The following C1orf167 variants were observed in gnomAD, a reference collection of about 807,000 sequenced individuals.
C1orf167 encodes chromosome 1 open reading frame 167, also known as uncharacterized protein C1orf167.
Under a neutral mutation model 176.5 loss-of-function variants are expected in C1orf167, and 153 were observed. The ratio of observed to expected loss-of-function variants is 0.87; its 90% CI spans 0.76 to 0.99. C1orf167 has a LOEUF of 0.99. Ranked by LOEUF, C1orf167 falls within the 50% of genes least tolerant of loss-of-function variation. The pLI is 0.00. For synonymous variants in C1orf167, 594 were observed against 752.7 expected (o/e 0.79, Z 3.45); for missense variants, 1,490 against 1,817.7 (o/e 0.82, Z 3.28).
intron 20 of C1orf167, 41 bp from the exon 21 acceptor site, chr1:11,789,229 A>G: frequency 7.7e-7 from 1 of 1,298,296 alleles, no homozygotes; most frequent in Non-Finnish European, 1.0e-6. Flanking sequence ...ACCCCGGAGA[A>G]AGCCCACAAC....
chr1:11,764,322 T>A lies in C1orf167; in HGVS notation c.-70-9T>A. On this transcript the variant is annotated splice_polypyrimidine_tract_variant and intron_variant, in intron 1 of 20. Transcript: ENST00000688073. ...ATGAGAGCCAGGGCAACCTGTCCTC[T>A]CCCCGCAGGGCCCATCTGATTAAAC... 8.7e-7 allele frequency: 1 copy of A among 1,149,960 alleles called. No individual in the cohort carries two copies. Among genetic ancestry groups the A allele is most frequent in the Non-Finnish European group, 1.2e-6 (1 of 862,064 alleles). 71.2% of individuals were successfully genotyped at this position (1,149,960 alleles called of 1,614,324 possible).
chr1:11,775,007 A>G (rs1212256819), intron 8 of C1orf167, among the ~76,000 whole-genome samples: 2 of 152,196 alleles, frequency 1.3e-5, no homozygotes, highest in Non-Finnish European at 2.9e-5. Flanking sequence ...AGGCTTGGCC[A>G]GACGCGGTGG....
In C1orf167 at chr1:11,782,371, C is replaced by T. The variant is rs533918617; in HGVS notation, c.3005+38C>T. ...GGGGGTGGGAGGGTGTTGGTCCTCC[C>T]CACGCAAGGAATAGCAAGGAGAGCA... is the stretch of plus-strand genomic sequence containing the variant. On this transcript the variant is annotated intron_variant, in intron 14 of 20. Coordinates refer to ENST00000688073, the MANE Select transcript of C1orf167 (RefSeq NM_001010881.2). The T allele has an allele frequency of 6.4e-5, 77 of 1,200,048 alleles. 1 individual carries two copies. Among genetic ancestry groups the T allele is most frequent in the African/African-American group, 4.8e-4 (30 of 62,464 alleles). The allele number at this position is 1,200,048 out of a possible 1,614,324, so 74.3% of individuals were successfully genotyped here.
rs1334756801 is a variant in C1orf167 at position 11,772,215 on chromosome 1, G to A, written c.1944G>A (p.Trp648Ter). The A allele has an allele frequency of 2.3e-6, 3 of 1,304,068 alleles. No homozygotes were observed. The East Asian group carries it at 1.7e-4, about 72-fold the overall frequency. 80.8% of individuals were successfully genotyped at this position (1,304,068 alleles called of 1,614,324 possible). The change falls in exon 8 of 21, where the codon TGG becomes TGA. Residue 648 changes from tryptophan (W) to a stop codon, truncating the protein, a stop_gained. Transcript: ENST00000688073. LOFTEE classifies it high-confidence loss of function. ...ACTCTACTGCTGCAGGTGTAGCCTG[G>A]GTGGCCCCACTGAGCCCCCAGCACC... ...AWHSTAAGVA[W>*]VAPLSPQHQR...
intron 1 of C1orf167, among the ~76,000 whole-genome samples, 154 bp from the exon 2 acceptor site, chr1:11,764,177 G>A (rs945688888): frequency 6.6e-6 from 1 of 152,160 alleles, no homozygotes; most frequent in Non-Finnish European, 1.5e-5. Flanking sequence ...AGGGCAGGGA[G>A]AGGAGCCACT....
chr1:11,765,450 A>G (rs993166641), intron 2 of C1orf167, among the ~76,000 whole-genome samples: 2 of 152,078 alleles, frequency 1.3e-5, no homozygotes, highest in Non-Finnish European at 2.9e-5. Context: ...CTCTTTGCTC[A>G]AGCCAGAAAT....
At chr1:11,785,417 A>C in intron 16 of C1orf167, 128 bp downstream of exon 16, 4 of 1,024,586 alleles carry the variant, frequency 3.9e-6, no homozygotes, top group South Asian at 1.8e-5. Flanking sequence ...GAGGTCCAAA[A>C]ATGACCCTCG....
intron 8 of C1orf167, among the ~76,000 whole-genome samples, chr1:11,772,967 C>T (rs981183453): frequency 5.5e-5 from 8 of 144,846 alleles, no homozygotes; most frequent in African/African-American, 1.5e-4. Context: ...GGCACGATCT[C>T]GGCTCACTGC....
rs780099513 is a variant in C1orf167 at position 11,776,495 on chromosome 1, A to G, written c.2196A>G (p.Gly732=). The G allele has an allele frequency of 1.1e-5, 14 of 1,301,670 alleles. No individual in the cohort carries two copies. Among genetic ancestry groups the G allele is most frequent in the Non-Finnish European group, 1.4e-5 (14 of 987,908 alleles). The allele number at this position is 1,301,670 out of a possible 1,614,324, so 80.6% of individuals were successfully genotyped here. A position where few individuals can be genotyped will look rare whatever the true frequency, so the allele number is the denominator to read the frequency against. ...AGGCTGTCTACACCGCAGGCCCTGG[A>G]GCCTGTGGCCTGGGTGCAGTGGGCC... ...GREAVYTAGP[G]ACGLGAVGQA... Residue 732 remains glycine (G), a synonymous_variant, in exon 10 of 21, where the codon GGA becomes GGG. Coordinates refer to ENST00000688073, the MANE Select transcript of C1orf167 (RefSeq NM_001010881.2).
Position 11,775,504 on chromosome 1 carries a change from G to A in C1orf167, c.2058G>A (p.Arg686=), listed in dbSNP as rs752568326. 15 of 1,304,142 alleles carry A rather than the reference G, an allele frequency of 1.2e-5. No individual in the cohort carries two copies. The African/African-American group carries it at 2.3e-4, about 20-fold the overall frequency. 80.8% of individuals were successfully genotyped at this position (1,304,142 alleles called of 1,614,324 possible). A position where few individuals can be genotyped will look rare whatever the true frequency, so the allele number is the denominator to read the frequency against. ...SRYRDHLADR[R]TGTLRKCLEQ... is the part of the protein sequence containing the mutation. ...ACCGAGACCACCTGGCTGACCGCCG[G>A]ACGGGGACCCTGAGGAAATGCCTGG... The change falls in exon 9 of 21, where the codon CGG becomes CGA. Residue 686 remains arginine, a synonymous_variant. Transcript: ENST00000688073.
At position 11,765,944 on chromosome 1, in the gene C1orf167, G is replaced by T. The variant is rs1036675416; in HGVS notation, c.158G>T (p.Gly53Val). 4 of 1,262,416 alleles carry T rather than the reference G, an allele frequency of 3.2e-6. No individual in the cohort carries two copies. The highest frequency in any genetic ancestry group is 3.1e-5 in the African/African-American group (2 of 65,218). 78.2% of individuals were successfully genotyped at this position (1,262,416 alleles called of 1,614,324 possible). Residue 53 changes from glycine (G) to valine (V), a missense_variant, in exon 3 of 21, where the codon GGG (glycine) becomes GTG (valine). Physicochemically the swap from Gly to Val is moderately radical, Grantham distance 109 (BLOSUM62 -3). Coordinates refer to ENST00000688073, the MANE Select transcript of C1orf167 (RefSeq NM_001010881.2). Reference sequence around the variant, plus strand: ...CCCGGGTGCCAGGTGGAGAGGGGAGGGCCTGCTGCCACACCCTCCCCAGGG... The same window carrying T: ...CCCGGGTGCCAGGTGGAGAGGGGAGTGCCTGCTGCCACACCCTCCCCAGGG... ...WVPGCQVERG[G>V]PAATPSPGAV...
intron 17 of C1orf167, 30 bp from the exon 18 acceptor site, chr1:11,787,843 A>T (rs1643930903): frequency 1.7e-6 from 2 of 1,200,426 alleles, no homozygotes; most frequent in Admixed American, 3.6e-5. Flanking sequence ...GACCCACCTT[A>T]ACCTCTTGTG....
chr1:11,769,321 A>C (rs1272261531), intron 6 of C1orf167, among the ~76,000 whole-genome samples, 194 bp downstream of exon 6: 1 of 152,218 alleles, frequency 6.6e-6, no homozygotes, highest in Non-Finnish European at 1.5e-5. Context: ...ACGGTGGCTC[A>C]CACCTATAAT....
chr1:11,770,367 T>C (rs1486275413), intron 6 of C1orf167, among the ~76,000 whole-genome samples: 1 of 151,842 alleles, frequency 6.6e-6, no homozygotes, highest in African/African-American at 2.4e-5. Flanking sequence ...AATTAAGGAG[T>C]AAAAGATATT....
chr1:11,764,603 G>A (rs1013662540), intron 2 of C1orf167, 133 bp downstream of exon 2: 18 of 703,648 alleles, frequency 2.6e-5, no homozygotes, highest in Admixed American at 5.4e-5. Context: ...ACCCACGGTC[G>A]GCTGGACATA....
rs538074274 is a variant in C1orf167 at position 11,787,592 on chromosome 1, G to A, written c.3673+99G>A. 821 of 889,336 alleles carry A rather than the reference G, an allele frequency of 9.2e-4. 15 individuals carry two copies. In the South Asian group the frequency reaches 0.013, roughly 14 times the overall value. 55.1% of individuals were successfully genotyped at this position (889,336 alleles called of 1,614,324 possible). On this transcript the variant is annotated intron_variant, in intron 17 of 20. Coordinates refer to ENST00000688073, the MANE Select transcript of C1orf167 (RefSeq NM_001010881.2). Reference sequence around the variant, plus strand: ...CCTGGAAATCAGCTCCTTGGGACACGGTCTTATGTGTATTGACCATTCTCC... The same window carrying A: ...CCTGGAAATCAGCTCCTTGGGACACAGTCTTATGTGTATTGACCATTCTCC...
At chr1:11,772,894 C>CAGT (rs1643147294) in intron 8 of C1orf167, among the ~76,000 whole-genome samples, 33 of 66,260 alleles carry the variant, frequency 5.0e-4, no homozygotes, top group Admixed American at 1.1e-3. Context: ...TATTATGGGG[C>CAGT]ATTATTATTA....
rs1644022300 is a variant in C1orf167 at position 11,789,562 on chromosome 1, A to C, written c.*116A>C. On this transcript the variant is annotated 3_prime_UTR_variant, in exon 21 of 21. Transcript: ENST00000688073. Reference sequence around the variant, plus strand: ...GACAGCTTGAAGAGCTCTGAAGGACAATAAAACCCACTCCTCAGTCCTAGC... The same window carrying C: ...GACAGCTTGAAGAGCTCTGAAGGACCATAAAACCCACTCCTCAGTCCTAGC... 39 of 985,570 alleles carry C rather than the reference A, an allele frequency of 4.0e-5. No individual in the cohort carries two copies. In the South Asian group the frequency reaches 6.1e-4, roughly 15 times the overall value. The allele number at this position is 985,570 out of a possible 1,614,324, so 61.1% of individuals were successfully genotyped here. A position where few individuals can be genotyped will look rare whatever the true frequency, so the allele number is the denominator to read the frequency against.
intron 19 of C1orf167, 78 bp from the exon 20 acceptor site, chr1:11,788,574 G>T: frequency 8.3e-7 from 1 of 1,209,016 alleles, no homozygotes; most frequent in Middle Eastern, 2.2e-4. Context: ...CAGCAGTGTC[G>T]GGGGAGAAAG....
Sources: gnomAD v4.1 joint callset for allele counts (sites outside exome capture counted in the v4.1 genomes callset) on GRCh38, gnomAD v4.1.1 for gene constraint, MANE v1.5 for transcripts, NCBI Gene and HGNC (gene_info 2026-07-23, HGNC 2026-07-21) for gene names.